Variants in SDK1 observed in about 807,000 individuals in gnomAD.
SDK1 encodes protein sidekick-1.
SDK1 carries 157 observed loss-of-function variants against 245.5 expected under a neutral mutation model. The ratio of observed to expected loss-of-function variants is 0.64; its 90% CI spans 0.56 to 0.73. The LOEUF (loss-of-function observed/expected upper bound fraction) is 0.73. Ranked by LOEUF, SDK1 falls within the 30% of genes least tolerant of loss-of-function variation. The pLI is 0.00. For synonymous variants in SDK1, 1,647 were observed against 1,278.5 expected (o/e 1.29, Z -6.15); for missense variants, 3,583 against 3,002.3 (o/e 1.19, Z -4.52).
At chr7:3,913,296 T>A (rs1779247307) in intron 5 of SDK1, among the ~76,000 whole-genome samples, 1 of 148,866 alleles carries the variant, frequency 6.7e-6, no homozygotes, top group African/African-American at 2.5e-5. Flanking sequence ...ACTTATCTTT[T>A]TTTTTTTTTT....
chr7:4,161,028 C>T (rs757167506), intron 31 of SDK1, among the ~76,000 whole-genome samples: 2 of 152,196 alleles, frequency 1.3e-5, no homozygotes, highest in Non-Finnish European at 2.9e-5. Context: ...ATGCGTGTCA[C>T]ACTTCTGCTG....
At chr7:3,390,295 T>C (rs577752897) in intron 1 of SDK1, among the ~76,000 whole-genome samples, 1 of 152,200 alleles carries the variant, frequency 6.6e-6, no homozygotes, top group Non-Finnish European at 1.5e-5. Context: ...TTTATTCATT[T>C]AGAATGTCAA....
intron 1 of SDK1, among the ~76,000 whole-genome samples, chr7:3,563,058 G>GA (rs1779800298): frequency 6.6e-6 from 1 of 152,148 alleles, no homozygotes; most frequent in African/African-American, 2.4e-5. Context: ...GAGTGGAGGA[G>GA]AAACCAAAGA....
At chr7:3,483,862 T>C (rs1163057489) in intron 1 of SDK1, among the ~76,000 whole-genome samples, 2 of 152,230 alleles carry the variant, frequency 1.3e-5, no homozygotes, top group Non-Finnish European at 2.9e-5. Context: ...AATGTTTATA[T>C]ATACGTTGGA....
At chr7:3,388,776 G>A (rs761716561) in intron 1 of SDK1, among the ~76,000 whole-genome samples, 2 of 151,022 alleles carry the variant, frequency 1.3e-5, no homozygotes, top group Non-Finnish European at 2.9e-5. Context: ...TTTTAAATGA[G>A]ATTTCTGTCA....
intron 1 of SDK1, among the ~76,000 whole-genome samples, chr7:3,380,496 T>A (rs1437840689): frequency 1.3e-5 from 2 of 152,234 alleles, no homozygotes; most frequent in Non-Finnish European, 2.9e-5. Context: ...GCTGACAATA[T>A]GTGTTTGAGG....
chr7:3,748,645 C>T lies in SDK1; in HGVS notation c.714-72805C>T, dbSNP rs549875517. On this transcript the variant is annotated intron_variant, in intron 4 of 44. Transcript: ENST00000404826. ...TGCTTTAGAAATTCTAATACATGTT[C>T]AGTTTCCTCATGCTTCATGTATTGA... Among the ~76,000 whole-genome samples, 199 of 152,314 alleles carry T rather than the reference C, an allele frequency of 1.3e-3. 2 individuals are homozygous for T. The highest frequency in any genetic ancestry group is 4.7e-3 in the African/African-American group (194 of 41,568).
intron 1 of SDK1, among the ~76,000 whole-genome samples, chr7:3,435,909 A>G (rs926342675): frequency 1.3e-5 from 2 of 152,228 alleles, no homozygotes; most frequent in African/African-American, 2.4e-5. Context: ...GTGTTAAAGG[A>G]AGCAACAAAG....
intron 40 of SDK1, among the ~76,000 whole-genome samples, chr7:4,230,318 A>G (rs910600750): frequency 6.9e-6 from 1 of 145,600 alleles, no homozygotes; most frequent in Admixed American, 6.8e-5. Flanking sequence ...TGAAGGAAGG[A>G]TGAATGGATG....
Position 4,036,867 on chromosome 7 carries a change from A to T in SDK1, c.2603-12481A>T, listed in dbSNP as rs183212311. 3.3e-5 allele frequency among the ~76,000 whole-genome samples: 5 copies of T among 152,312 alleles called. No homozygotes were observed. The East Asian group carries it at 7.7e-4, about 24-fold the overall frequency. ...TGTGAGAAATAAATGTTTGTTGTTTATGTGCTACACAGTCTATGATATTTT... is the reference window on the plus strand; with the variant it reads ...TGTGAGAAATAAATGTTTGTTGTTTTTGTGCTACACAGTCTATGATATTTT... On this transcript the variant is annotated intron_variant, in intron 17 of 44. Coordinates refer to ENST00000404826, the MANE Select transcript of SDK1 (RefSeq NM_152744.4).
At chr7:3,383,820 A>G (rs1781547024) in intron 1 of SDK1, among the ~76,000 whole-genome samples, 1 of 152,228 alleles carries the variant, frequency 6.6e-6, no homozygotes, top group African/African-American at 2.4e-5. Flanking sequence ...GTCCTTTCAC[A>G]AATGGGTCTC....
At chr7:3,967,798 C>T (rs1274588477) in intron 10 of SDK1, among the ~76,000 whole-genome samples, 1 of 152,190 alleles carries the variant, frequency 6.6e-6, no homozygotes, top group Non-Finnish European at 1.5e-5. Context: ...GGAGCTCAGG[C>T]AGTCATGCAC....
intron 5 of SDK1, among the ~76,000 whole-genome samples, chr7:3,901,013 T>C (rs1781771522): frequency 6.6e-6 from 1 of 152,160 alleles, no homozygotes; most frequent in African/African-American, 2.4e-5. Flanking sequence ...TTATTTACTG[T>C]CTTTAGTAAA....
At chr7:4,261,234 C>T (rs1787983461) in intron 44 of SDK1, among the ~76,000 whole-genome samples, 1 of 152,144 alleles carries the variant, frequency 6.6e-6, no homozygotes, top group South Asian at 2.1e-4. Context: ...TCAGAGCTTC[C>T]TGCCCGGGTG....
chr7:4,235,000 T>C (rs964805177), intron 41 of SDK1, among the ~76,000 whole-genome samples: 5 of 152,168 alleles, frequency 3.3e-5, no homozygotes, highest in African/African-American at 1.2e-4. Context: ...CTTGTTGAAA[T>C]TGAACTTAAC....
chr7:3,438,893 C>T (rs961140131), intron 1 of SDK1, among the ~76,000 whole-genome samples: 1 of 139,726 alleles, frequency 7.2e-6, no homozygotes, highest in Non-Finnish European at 1.5e-5. Context: ...ACTCTTGTTG[C>T]CCAGGCTGGA....
chr7:3,503,293 T>G (rs1336907560), intron 1 of SDK1, among the ~76,000 whole-genome samples: 1 of 152,218 alleles, frequency 6.6e-6, no homozygotes, highest in Admixed American at 6.5e-5. Flanking sequence ...ATTATTTGGC[T>G]TATTTATAAA....
intron 5 of SDK1, among the ~76,000 whole-genome samples, chr7:3,900,017 G>A (rs546188393): frequency 1.4e-4 from 22 of 152,234 alleles, no homozygotes; most frequent in Non-Finnish European, 2.6e-4. Flanking sequence ...GTGGAAAGCT[G>A]TAATCGGATA....
At chr7:3,760,626 T>A (rs1428163768) in intron 4 of SDK1, among the ~76,000 whole-genome samples, 1 of 152,230 alleles carries the variant, frequency 6.6e-6, no homozygotes, top group Non-Finnish European at 1.5e-5. Flanking sequence ...TTCAGGATTG[T>A]GATTTGGGGG....
Sources: gnomAD v4.1 joint callset for allele counts (sites outside exome capture counted in the v4.1 genomes callset) on GRCh38, gnomAD v4.1.1 for gene constraint, MANE v1.5 for transcripts, NCBI Gene and HGNC (gene_info 2026-07-23, HGNC 2026-07-21) for gene names.